The following CACNA1C variants were observed in gnomAD, a reference collection of about 807,000 sequenced individuals.
CACNA1C encodes the protein calcium voltage-gated channel subunit alpha1 C.
CACNA1C carries 30 observed loss-of-function variants against 229.0 expected under a neutral mutation model. That is an observed-to-expected ratio of 0.13 (90% CI 0.10 to 0.18). The LOEUF (loss-of-function observed/expected upper bound fraction) is 0.18, where lower values mean the gene tolerates loss of function less well. CACNA1C is among the 10% of genes least tolerant of loss of function. CACNA1C has a pLI of 1.00. For missense variants in CACNA1C, 1,658 were observed against 2,845.0 expected, an observed-to-expected ratio of 0.58 and a Z score of 9.49; for synonymous variants, 1,114 against 1,132.5, an observed-to-expected ratio of 0.98 and a Z score of 0.33.
intron 1 of CACNA1C, among the ~76,000 whole-genome samples, chr12:2,065,211 C>T (rs562979053): frequency 6.6e-6 from 1 of 152,190 alleles, no homozygotes; most frequent in Non-Finnish European, 1.5e-5. Context: ...TTCAGTGACT[C>T]AGAGCTCATA....
At chr12:2,553,202 G>A (rs1206187088) in intron 10 of CACNA1C, among the ~76,000 whole-genome samples, 1 of 152,168 alleles carries the variant, frequency 6.6e-6, no homozygotes, top group Non-Finnish European at 1.5e-5. Context: ...GAAAAAGAAG[G>A]GTCAGACTGA....
At chr12:2,073,024 G>A (rs1308329420) in intron 1 of CACNA1C, among the ~76,000 whole-genome samples, 7 of 152,086 alleles carry the variant, frequency 4.6e-5, no homozygotes, top group Non-Finnish European at 1.0e-4. Flanking sequence ...GGACAGTGGG[G>A]CCGCTGGCTG....
At chr12:2,638,979 G>T (rs1428401640) in intron 30 of CACNA1C, among the ~76,000 whole-genome samples, 1 of 152,258 alleles carries the variant, frequency 6.6e-6, no homozygotes, top group Non-Finnish European at 1.5e-5. Context: ...GCGACAAGAG[G>T]CAGAGGAGCG....
At chr12:2,414,812 A>G (rs2098846965) in intron 3 of CACNA1C, among the ~76,000 whole-genome samples, 1 of 152,170 alleles carries the variant, frequency 6.6e-6, no homozygotes, top group African/African-American at 2.4e-5. Context: ...TGTCACTTCT[A>G]GCCAGAGGGC....
At chr12:2,023,773 T>A (rs753843445) in intron 1 of CACNA1C, among the ~76,000 whole-genome samples, 1 of 152,016 alleles carries the variant, frequency 6.6e-6, no homozygotes, top group Admixed American at 6.5e-5. Context: ...TGGTTGCCAA[T>A]GAAAAATAAA....
intron 3 of CACNA1C, among the ~76,000 whole-genome samples, chr12:2,304,113 G>A (rs1038425521): frequency 2.0e-5 from 3 of 152,128 alleles, no homozygotes; most frequent in Non-Finnish European, 4.4e-5. Flanking sequence ...TGCACAGGAC[G>A]GAGCAGGGAC....
At chr12:2,145,727 A>C (rs2094642233) in intron 3 of CACNA1C, among the ~76,000 whole-genome samples, 1 of 151,328 alleles carries the variant, frequency 6.6e-6, no homozygotes. Flanking sequence ...AATGTCAAGT[A>C]TGGCCAAGTG....
At chr12:2,203,146 A>AGG (rs1326723434) in intron 3 of CACNA1C, among the ~76,000 whole-genome samples, 1 of 152,148 alleles carries the variant, frequency 6.6e-6, no homozygotes, top group Non-Finnish European at 1.5e-5. Context: ...TTTTCCATGA[A>AGG]GGGAAGTGCC....
chr12:2,065,271 A>G (rs1349684044), intron 1 of CACNA1C, among the ~76,000 whole-genome samples: 1 of 152,238 alleles, frequency 6.6e-6, no homozygotes, highest in African/African-American at 2.4e-5. Context: ...AAAATTATTT[A>G]AAAGGCAAAA....
At chr12:2,570,845 C>G (rs1000774290) in intron 13 of CACNA1C, among the ~76,000 whole-genome samples, 2 of 152,110 alleles carry the variant, frequency 1.3e-5, no homozygotes, top group African/African-American at 4.8e-5. Flanking sequence ...TAACAGACAC[C>G]CACGATTAAA....
At chr12:2,115,157 A>C in intron 1 of CACNA1C, 67 bp from the exon 2 acceptor site, 1 of 1,243,552 alleles carries the variant, frequency 8.0e-7, no homozygotes, top group Non-Finnish European at 1.1e-6. Flanking sequence ...TCTGGGGTCC[A>C]GAGAGTGTCG....
At position 2,226,125 on chromosome 12, in the gene CACNA1C, GCACACACACACA is replaced by G. The variant is rs59055471; in HGVS notation, c.477+105732_477+105743del. ...GTATGCCGCTTGGATATGGGGACGC[GCACACACACACA>G]CACACACACACACACACACACACAC... On this transcript the variant is annotated intron_variant, in intron 3 of 46. Coordinates refer to ENST00000399655, the MANE Select transcript of CACNA1C (RefSeq NM_000719.7). Among the ~76,000 whole-genome samples the G allele has an allele frequency of 5.2e-3, 745 of 142,838 alleles. 5 individuals are homozygous for G. Among genetic ancestry groups the G allele is most frequent in the African/African-American group, 0.011 (422 of 38,470 alleles). The allele number at this position is 142,838 out of a possible 152,430, so 93.7% of individuals were successfully genotyped here.
rs970759929 is a variant in CACNA1C, at chr12:2,595,651, A to G, written c.2664-223A>G. Among the ~76,000 whole-genome samples the G allele has an allele frequency of 6.6e-6, 1 of 152,212 alleles. No homozygotes were observed. The highest frequency in any genetic ancestry group is 6.5e-5 in the Admixed American group (1 of 15,288). On this transcript the variant is annotated intron_variant, in intron 19 of 46. Transcript: ENST00000399655. The surrounding 1 kb of genome is among the most constrained non-coding windows in gnomAD (Gnocchi z 4.1). ...ATTCAGAGATTCTCAAAGGTCTCAG[A>G]TGTAACCTTCTAAAATATCAAAGAT...
intron 18 of CACNA1C, among the ~76,000 whole-genome samples, chr12:2,586,798 G>A (rs2062635056): frequency 6.6e-6 from 1 of 152,206 alleles, no homozygotes; most frequent in Non-Finnish European, 1.5e-5. Context: ...CAGACTCCCT[G>A]TGGTCACACC....
At chr12:2,075,385 C>T (rs772180462) in intron 1 of CACNA1C, among the ~76,000 whole-genome samples, 22 of 152,256 alleles carry the variant, frequency 1.4e-4, no homozygotes, top group Non-Finnish European at 2.5e-4. Flanking sequence ...GGACCTCTTA[C>T]ATTTTACACT....
intron 3 of CACNA1C, among the ~76,000 whole-genome samples, chr12:2,273,859 C>G (rs1038289000): frequency 6.6e-6 from 1 of 152,314 alleles, no homozygotes; most frequent in Non-Finnish European, 1.5e-5. Context: ...GTCTGTTTCC[C>G]TCAGTGCAAA....
intron 5 of CACNA1C, among the ~76,000 whole-genome samples, chr12:2,474,607 T>G (rs1031768133): frequency 2.6e-5 from 4 of 151,866 alleles, no homozygotes; most frequent in Admixed American, 6.6e-5. Context: ...ATACAAAAAC[T>G]TAGCCAGACA....
At chr12:1,970,933 T>G (rs868083711) in exon 1 of CACNA1C, 2 of 407,140 alleles carry the variant, frequency 4.9e-6, no homozygotes, top group Admixed American at 7.8e-5. Context: ...TACGGCCATG[T>G]CAACTTTTGT....
intron 3 of CACNA1C, among the ~76,000 whole-genome samples, chr12:2,318,692 C>A (rs574285722): frequency 6.6e-6 from 1 of 152,002 alleles, no homozygotes; most frequent in Non-Finnish European, 1.5e-5. Flanking sequence ...CCACACGGCA[C>A]CTAGAATAGT....
Sources: allele counts gnomAD v4.1 joint callset (sites outside exome capture counted in the v4.1 genomes callset), GRCh38; gene constraint gnomAD v4.1.1; non-coding constraint Gnocchi (gnomAD v3.1); transcripts MANE v1.5; gene names NCBI Gene and HGNC (gene_info 2026-07-23, HGNC 2026-07-21).